The following MROH9 variants were observed in gnomAD, a reference collection of about 807,000 sequenced individuals.
MROH9 encodes maestro heat-like repeat-containing protein family member 9.
In MROH9, 92 loss-of-function variants were observed where a neutral mutation model predicts 98.2. The ratio of observed to expected loss-of-function variants is 0.94; its 90% CI spans 0.79 to 1.11. The LOEUF (loss-of-function observed/expected upper bound fraction) is 1.11, where lower values mean the gene tolerates loss of function less well. Ranked by LOEUF, MROH9 falls within the 50% of genes most tolerant of loss-of-function variation. The probability of loss-of-function intolerance (pLI) is 0.00; values close to 1 mark genes in which losing one functional copy is unlikely to be tolerated. For synonymous variants in MROH9, 397 were observed against 368.9 expected, an observed-to-expected ratio of 1.08 and a Z score of -0.87; for missense variants, 1,057 against 1,014.8, an observed-to-expected ratio of 1.04 and a Z score of -0.57.
intron 20 of MROH9, among the ~76,000 whole-genome samples, chr1:171,031,009 T>C (rs566488853): frequency 6.6e-6 from 1 of 152,224 alleles, no homozygotes; most frequent in South Asian, 2.1e-4. Flanking sequence ...GCTCTTCTTG[T>C]TGAATTGTTC....
chr1:171,006,269 T>G (rs1340389018), intron 15 of MROH9, among the ~76,000 whole-genome samples: 1 of 152,216 alleles, frequency 6.6e-6, no homozygotes, highest in Non-Finnish European at 1.5e-5. Context: ...TTGTGAGGTT[T>G]CTGTTGAGAT....
chr1:170,937,114 C>T (rs1416753855), intron 1 of MROH9, among the ~76,000 whole-genome samples: 1 of 152,196 alleles, frequency 6.6e-6, no homozygotes, highest in Admixed American at 6.5e-5. Context: ...TAAAGGACTC[C>T]AGCTCTTTCT....
intron 20 of MROH9, among the ~76,000 whole-genome samples, chr1:171,044,332 G>T (rs997171363): frequency 6.6e-6 from 1 of 152,100 alleles, no homozygotes; most frequent in Non-Finnish European, 1.5e-5. Context: ...CATGATGGAT[G>T]ATCTTTCTAA....
rs78743582 is a variant in MROH9 at position 171,055,408 on chromosome 1, G to A, written c.2282-6724G>A. Among the ~76,000 whole-genome samples the A allele has an allele frequency of 5.6e-3, 847 of 152,124 alleles. 10 individuals are homozygous for A. Among genetic ancestry groups the A allele is most frequent in the African/African-American group, 0.019 (803 of 41,504 alleles). ...GAGGCCGTGGTGGGCAGATCACAAG[G>A]TCAGGAGTTCAAGACCAGCCTGGCC... On this transcript the variant is annotated intron_variant, in intron 20 of 21. Coordinates refer to ENST00000367759, the MANE Select transcript of MROH9 (RefSeq NM_001163629.2).
intron 3 of MROH9, among the ~76,000 whole-genome samples, chr1:170,949,753 C>CA (rs1283723203): frequency 6.6e-6 from 1 of 152,002 alleles, no homozygotes; most frequent in Non-Finnish European, 1.5e-5. Flanking sequence ...TTGGGGGCAC[C>CA]ACCTGCTTGC....
At chr1:171,041,152 A>T (rs1361444472) in intron 20 of MROH9, among the ~76,000 whole-genome samples, 1 of 151,684 alleles carries the variant, frequency 6.6e-6, no homozygotes, top group Non-Finnish European at 1.5e-5. Context: ...CACGTTTTGG[A>T]GTCACCAGCA....
chr1:170,958,336 GT>G (rs1228509770), intron 3 of MROH9, 124 bp from the exon 4 acceptor site: 9 of 500,114 alleles, frequency 1.8e-5, no homozygotes, highest in Non-Finnish European at 3.2e-5. Flanking sequence ...TCTTGAGCAT[GT>G]TTTCCAGTCT....
chr1:171,045,491 G>A (rs1392732981), intron 20 of MROH9, among the ~76,000 whole-genome samples: 1 of 151,798 alleles, frequency 6.6e-6, no homozygotes, highest in African/African-American at 2.4e-5. Context: ...GGTATGTTGT[G>A]TTTCCATTAT....
At chr1:170,997,757 T>C (rs1651636652) in intron 14 of MROH9, among the ~76,000 whole-genome samples, 1 of 152,134 alleles carries the variant, frequency 6.6e-6, no homozygotes, top group Admixed American at 6.6e-5. Flanking sequence ...CAAACTCTCA[T>C]CGGCGTTACA....
intron 2 of MROH9, among the ~76,000 whole-genome samples, chr1:170,946,714 C>A (rs544252033): frequency 6.6e-6 from 1 of 151,638 alleles, no homozygotes; most frequent in East Asian, 1.9e-4. Context: ...CTAAATATAC[C>A]GATTAAAATA....
In MROH9 at chr1:171,016,164, C is replaced by G. The variant is rs1652320090; in HGVS notation, c.1736C>G (p.Thr579Arg). Residue 579 changes from threonine (T) to arginine (R), a missense_variant and splice_region_variant, in exon 17 of 22, where the codon ACA (threonine) becomes AGA (arginine). Physicochemically the swap from Thr to Arg is moderately conservative, Grantham distance 71. Transcript: ENST00000367759. ...ACCATTTTTTCCTTTTATATGTAGA[C>G]AGAAAATGTCAGCAGTATATTAATA... ...IVHMSPIINK[T>R]ENVSSILIAI... The G allele has an allele frequency of 8.2e-6, 12 of 1,459,384 alleles. No individual in the cohort carries two copies. The highest frequency in any genetic ancestry group is 1.8e-4 in the Middle Eastern group (1 of 5,702). The allele number at this position is 1,459,384 out of a possible 1,614,324, so 90.4% of individuals were successfully genotyped here. A position where few individuals can be genotyped will look rare whatever the true frequency, so the allele number is the denominator to read the frequency against.
intron 20 of MROH9, among the ~76,000 whole-genome samples, chr1:171,052,703 C>T (rs2101869864): frequency 6.6e-6 from 1 of 152,232 alleles, no homozygotes; most frequent in East Asian, 1.9e-4. Context: ...GCTCCTAATC[C>T]AGGGGAGTGG....
chr1:171,050,455 AGTTCTTGATTTG>A (rs1653627737), intron 20 of MROH9, among the ~76,000 whole-genome samples: 3 of 152,106 alleles, frequency 2.0e-5, no homozygotes, highest in Admixed American at 2.0e-4. Flanking sequence ...GATGGGATTT[AGTTCTTGATTTG>A]GTTCTTGGCT....
At chr1:171,021,268 C>A (rs1288044188) in intron 17 of MROH9, among the ~76,000 whole-genome samples, 3 of 151,938 alleles carry the variant, frequency 2.0e-5, no homozygotes, top group Non-Finnish European at 2.9e-5. Flanking sequence ...ACTTTAAATT[C>A]CATATGGAAG....
At chr1:170,982,304 G>C (rs1258687564) in intron 8 of MROH9, among the ~76,000 whole-genome samples, 1 of 152,076 alleles carries the variant, frequency 6.6e-6, no homozygotes, top group East Asian at 1.9e-4. Flanking sequence ...AAACATGGAT[G>C]AATCTCAGTA....
intron 15 of MROH9, among the ~76,000 whole-genome samples, chr1:171,013,180 T>C (rs928877088): frequency 1.7e-4 from 26 of 152,306 alleles, no homozygotes; most frequent in African/African-American, 6.0e-4. Context: ...TGAATCTACA[T>C]TACACAATGT....
At chr1:171,004,421 T>G (rs1557894419) in intron 15 of MROH9, among the ~76,000 whole-genome samples, 1 of 152,136 alleles carries the variant, frequency 6.6e-6, no homozygotes, top group Non-Finnish European at 1.5e-5. Flanking sequence ...TCCCAGGGCC[T>G]TTCTGCTGCT....
At chr1:171,002,646 G>C (rs926039112) in intron 15 of MROH9, among the ~76,000 whole-genome samples, 1 of 152,092 alleles carries the variant, frequency 6.6e-6, no homozygotes, top group African/African-American at 2.4e-5. Context: ...TGTTTTTCTT[G>C]TTAGGATAAC....
At chr1:171,032,204 C>A (rs1193493107) in intron 20 of MROH9, among the ~76,000 whole-genome samples, 4 of 152,130 alleles carry the variant, frequency 2.6e-5, no homozygotes, top group African/African-American at 9.7e-5. Flanking sequence ...TTCTTAGCTT[C>A]TTTGCATTGG....
Sources: allele counts gnomAD v4.1 joint callset (sites outside exome capture counted in the v4.1 genomes callset), GRCh38; gene constraint gnomAD v4.1.1; transcripts MANE v1.5; gene names NCBI Gene and HGNC (gene_info 2026-07-23, HGNC 2026-07-21).